Variants in ZNF469 observed in about 807,000 individuals in gnomAD.
The protein encoded by ZNF469 is zinc finger protein 469.
In ZNF469, 1 loss-of-function variant was observed where a neutral mutation model predicts 1.0. The ratio of observed to expected loss-of-function variants is 1.00; its 90% CI spans 0.35 to 4.73. The LOEUF is 4.73. ZNF469 is among the 30% of genes most tolerant of loss of function. The pLI is 0.16. For synonymous variants in ZNF469, 2,703 were observed against 2,363.4 expected, an observed-to-expected ratio of 1.14 and a Z score of -4.17; for missense variants, 6,100 against 5,356.3, an observed-to-expected ratio of 1.14 and a Z score of -4.33.
rs538330967 is a variant in ZNF469 at position 88,428,167 on chromosome 16, G to A, written c.697G>A (p.Asp233Asn). The change falls in exon 3 of 3, where the codon GAC becomes AAC. Residue 233 changes from aspartate to asparagine, a missense_variant. Coordinates refer to ENST00000565624, the MANE Select transcript of ZNF469 (RefSeq NM_001367624.2). The part of the protein sequence containing the change: ...SYPEYQASGA[D>N]SWPPAAENSF... ...TCCCGAATACCAGGCCAGTGGGGCC[G>A]ACTCCTGGCCTCCCGCTGCTGAGAA... 182 of 1,550,172 alleles carry A rather than the reference G, an allele frequency of 1.2e-4. No individual in the cohort carries two copies. In the African/African-American group the frequency reaches 2.0e-3, roughly 17 times the overall value.
the ZNF469 span, among the ~76,000 whole-genome samples, chr16:88,122,552 G>C: frequency 6.6e-6 from 1 of 152,098 alleles, no homozygotes; most frequent in African/African-American, 2.4e-5. Flanking sequence ...CAGCCACTCA[G>C]ATGGCACTCT....
At chr16:88,380,282 TGCAC>T (rs757073777), upstream of ZNF469, among the ~76,000 whole-genome samples, 34 of 73,038 alleles carry the variant, frequency 4.7e-4, no homozygotes, top group South Asian at 1.1e-3. Flanking sequence ...CACCCAGACA[TGCAC>T]ACACACACAC....
At chr16:88,221,018 G>A in the ZNF469 span, among the ~76,000 whole-genome samples, 3 of 152,276 alleles carry the variant, frequency 2.0e-5, no homozygotes, top group African/African-American at 7.2e-5. Context: ...TGGCCAGAGG[G>A]AAGGACCACC....
Position 88,429,906 on chromosome 16 carries a change from G to A in ZNF469, c.2436G>A (p.Leu812=), listed in dbSNP as rs1316149796. Reference sequence around the variant, plus strand: ...AGGCCGAGGGCAAAGACGACCCCCTGAGGACAGGCTTCCTGCCCAGCCTGG... The same window carrying A: ...AGGCCGAGGGCAAAGACGACCCCCTAAGGACAGGCTTCCTGCCCAGCCTGG... The part of the protein sequence containing the change: ...DAQAEGKDDP[L]RTGFLPSLAA... Residue 812 remains leucine (L), a synonymous_variant, in exon 3 of 3, where the codon CTG becomes CTA. Transcript: ENST00000565624. The A allele has an allele frequency of 2.6e-6, 4 of 1,550,094 alleles. No individual in the cohort carries two copies. The African/African-American group carries it at 4.1e-5, about 16-fold the overall frequency.
the ZNF469 span, among the ~76,000 whole-genome samples, chr16:88,122,965 G>A: frequency 7.3e-6 from 1 of 137,032 alleles, no homozygotes; most frequent in African/African-American, 3.1e-5. Context: ...GAATAGCTGG[G>A]ACTACAGGTG....
At chr16:88,188,280 G>A in the ZNF469 span, among the ~76,000 whole-genome samples, 1 of 151,422 alleles carries the variant, frequency 6.6e-6, no homozygotes, top group Non-Finnish European at 1.5e-5. Context: ...CTCCCCGACT[G>A]AGCACCCGTG....
the ZNF469 span, among the ~76,000 whole-genome samples, chr16:88,208,197 GC>G: frequency 6.6e-6 from 1 of 151,738 alleles, no homozygotes; most frequent in Non-Finnish European, 1.5e-5. Context: ...GCCCCTTCAA[GC>G]CAATTCCTGT....
intron 1 of ZNF469, among the ~76,000 whole-genome samples, chr16:88,391,788 T>C (rs949925967): frequency 2.0e-5 from 3 of 152,216 alleles, no homozygotes; most frequent in Non-Finnish European, 4.4e-5. Flanking sequence ...CTGTAACATC[T>C]CTTGGCTGGA....
chr16:88,249,393 T>C, the ZNF469 span, among the ~76,000 whole-genome samples: 2 of 149,500 alleles, frequency 1.3e-5, no homozygotes, highest in African/African-American at 4.9e-5. Context: ...CAACTGCCAT[T>C]TTTTTTTCTT....
the ZNF469 span, among the ~76,000 whole-genome samples, chr16:88,169,591 G>A: frequency 6.6e-6 from 1 of 152,338 alleles, no homozygotes; most frequent in African/African-American, 2.4e-5. This position sits in a 1 kb window ranked among gnomAD's most constrained non-coding sequence, Gnocchi z 6.1. Context: ...ACCAGCTGCG[G>A]TGGTCCATCC....
chr16:88,194,413 C>G, the ZNF469 span: 1 of 152,288 alleles, frequency 6.6e-6, no homozygotes, highest in Admixed American at 6.5e-5. Context: ...TCTCTGCACG[C>G]ACCAGGCAGT....
the ZNF469 span, among the ~76,000 whole-genome samples, chr16:88,108,585 CCT>C: frequency 1.3e-5 from 2 of 152,220 alleles, no homozygotes; most frequent in South Asian, 4.1e-4. Context: ...CTTCTCCCCA[CCT>C]CTGTTTCCCC....
At chr16:88,322,452 G>C in the ZNF469 span, among the ~76,000 whole-genome samples, 478 of 152,356 alleles carry the variant, frequency 3.1e-3, 2 homozygotes, top group South Asian at 0.011. Flanking sequence ...TGTTCATCCT[G>C]AAGCTCCACA....
intron 1 of ZNF469, among the ~76,000 whole-genome samples, chr16:88,403,913 G>T (rs1408890973): frequency 1.3e-5 from 2 of 152,134 alleles, no homozygotes; most frequent in Non-Finnish European, 2.9e-5. Flanking sequence ...GCAAGGAGGG[G>T]CAGCGCCCTT....
the ZNF469 span, among the ~76,000 whole-genome samples, chr16:88,336,661 G>A: frequency 1.4e-4 from 22 of 152,046 alleles, no homozygotes; most frequent in South Asian, 2.1e-4. Flanking sequence ...CATCCTTCAC[G>A]TGAGACACCG....
intron 1 of ZNF469, among the ~76,000 whole-genome samples, chr16:88,386,440 C>A (rs920391840): frequency 6.6e-6 from 1 of 152,160 alleles, no homozygotes; most frequent in Non-Finnish European, 1.5e-5. Flanking sequence ...CCCCCACCCT[C>A]GTGGGAACAC....
At chr16:88,326,088 A>T in the ZNF469 span, among the ~76,000 whole-genome samples, 1 of 152,212 alleles carries the variant, frequency 6.6e-6, no homozygotes, top group African/African-American at 2.4e-5. Flanking sequence ...GGCCACAGAC[A>T]TGTCCTGGTC....
At chr16:88,147,633 G>T in the ZNF469 span, among the ~76,000 whole-genome samples, 1 of 152,134 alleles carries the variant, frequency 6.6e-6, no homozygotes, top group Non-Finnish European at 1.5e-5. Context: ...CCTGCTGGGT[G>T]CAGTGTGCTC....
chr16:88,140,474 A>AAAGGAGGACGGAGCCACGT, the ZNF469 span, among the ~76,000 whole-genome samples: 1 of 132,334 alleles, frequency 7.6e-6, no homozygotes, highest in African/African-American at 4.4e-5. Context: ...GTAGCACGGA[A>AAAGGAGGACGGAGCCACGT]AGTCAGTGAC....
Sources: gnomAD v4.1 joint callset for allele counts (sites outside exome capture counted in the v4.1 genomes callset) on GRCh38, gnomAD v4.1.1 for gene constraint, Gnocchi (gnomAD v3.1) non-coding constraint, MANE v1.5 for transcripts, NCBI Gene and HGNC (gene_info 2026-07-23, HGNC 2026-07-21) for gene names.